The following MTFR1 variants were observed in gnomAD, a reference collection of about 807,000 sequenced individuals.
The protein encoded by MTFR1 is chondrocyte protein with a poly-proline region.
MTFR1 carries 28 observed loss-of-function variants against 38.8 expected under a neutral mutation model. That is an observed-to-expected ratio of 0.72 (90% CI 0.53 to 0.99). MTFR1 has a LOEUF of 0.99. Ranked by LOEUF, MTFR1 falls within the 50% of genes least tolerant of loss-of-function variation. MTFR1 has a pLI of 0.00. For synonymous variants in MTFR1, 145 were observed against 137.0 expected, an observed-to-expected ratio of 1.06 and a Z score of -0.41; for missense variants, 358 against 395.5, an observed-to-expected ratio of 0.91 and a Z score of 0.81.
chr8:65,714,131 TTC>T (rs924521544), downstream of MTFR1, among the ~76,000 whole-genome samples: 1 of 151,538 alleles, frequency 6.6e-6, no homozygotes, highest in African/African-American at 2.4e-5. Context: ...GCACTTATTA[TTC>T]TGTCACCCAG....
At chr8:65,752,150 A>T (rs2128909006) in intron 3 of MTFR1, among the ~76,000 whole-genome samples, 1 of 152,326 alleles carries the variant, frequency 6.6e-6, no homozygotes, top group South Asian at 2.1e-4. Flanking sequence ...GTCACTCTAT[A>T]TGCCATCTTC....
chr8:65,662,716 G>A (rs561532384), intron 1 of MTFR1, among the ~76,000 whole-genome samples: 2 of 133,162 alleles, frequency 1.5e-5, no homozygotes, highest in Non-Finnish European at 3.4e-5. Context: ...CAGCCACACC[G>A]TCTGAGAAGT....
At position 65,707,058 on chromosome 8, in the gene MTFR1, C is replaced by CAA; in HGVS notation, c.566_567insAA (p.Pro190IlefsTer22). Reference sequence around the variant, plus strand: ...GGTACCATACCACCACACCCTCCACCTCCCCCACCGCCCCTGCCTCCCCCT... The same window carrying CAA: ...GGTACCATACCACCACACCCTCCACCAATCCCCCACCGCCCCTGCCTCCCCCT... On this transcript the variant is annotated frameshift_variant, in exon 6 of 8. Coordinates refer to ENST00000262146, the MANE Select transcript of MTFR1 (RefSeq NM_014637.4). LOFTEE classifies it high-confidence loss of function. 1 of 1,607,240 alleles carries CAA rather than the reference C, an allele frequency of 6.2e-7. No homozygotes were observed.
chr8:65,727,115 GAA>G, intron 3 of MTFR1: 6 of 1,181,064 alleles, frequency 5.1e-6, no homozygotes, highest in Non-Finnish European at 7.5e-6. Context: ...TTCAAAATAT[GAA>G]AGATTTTCTA....
At chr8:65,705,053 C>T (rs566243369) in intron 5 of MTFR1, 124 bp downstream of exon 5, 7 of 838,720 alleles carry the variant, frequency 8.3e-6, no homozygotes, top group East Asian at 5.6e-5. Flanking sequence ...CATCCAGGTA[C>T]GGTGGCGCAT....
chr8:65,778,521 C>T, the MTFR1 span, among the ~76,000 whole-genome samples: 4 of 152,122 alleles, frequency 2.6e-5, no homozygotes, highest in Non-Finnish European at 5.9e-5. Context: ...ACAAGCAAGC[C>T]AAACTTGATA....
rs1255626479 is a variant in MTFR1, at chr8:65,693,743, T to A, written c.265T>A (p.Cys89Ser). ...VGWVAKEEGE[C>S]SARLRTEVRS... Reference sequence around the variant, plus strand: ...ATGGGTAGCCAAAGAAGAAGGAGAGTGTTCAGCAAGACTAAGGTTAGTTTG... The same window carrying A: ...ATGGGTAGCCAAAGAAGAAGGAGAGAGTTCAGCAAGACTAAGGTTAGTTTG... The change falls in exon 4 of 8, where the codon TGT becomes AGT. Residue 89 changes from cysteine to serine, a missense_variant. Transcript: ENST00000262146. 6.2e-7 allele frequency: 1 copy of A among 1,613,570 alleles called. No homozygotes were observed. The highest frequency in any genetic ancestry group is 8.5e-7 in the Non-Finnish European group (1 of 1,179,810).
chr8:65,752,108 C>T (rs546386688), intron 3 of MTFR1, among the ~76,000 whole-genome samples: 3 of 152,338 alleles, frequency 2.0e-5, no homozygotes, highest in African/African-American at 7.2e-5. Context: ...CTTGAGATAT[C>T]ATCCTCTAAT....
At chr8:65,720,915 T>TGGCCCTTATTATTATA (rs1806349413) in intron 3 of MTFR1, among the ~76,000 whole-genome samples, 1 of 152,224 alleles carries the variant, frequency 6.6e-6, no homozygotes, top group African/African-American at 2.4e-5. Flanking sequence ...TCTACCCACA[T>TGGCCCTTATTATTATA]GGCCCTTATT....
intron 2 of MTFR1, chr8:65,719,267 G>A (rs749771899): frequency 2.4e-5 from 38 of 1,565,094 alleles, no homozygotes; most frequent in Non-Finnish European, 3.1e-5. Context: ...CCAGGAGGCA[G>A]TTTGTCCCAC....
At chr8:65,669,752 T>C in intron 1 of MTFR1, 121 bp from the exon 2 acceptor site, 2 of 523,284 alleles carry the variant, frequency 3.8e-6, no homozygotes, top group South Asian at 2.7e-5. Flanking sequence ...GGTTTCTCCA[T>C]GTTGGTCAGG....
chr8:65,672,586 T>C (rs1317662330), intron 2 of MTFR1, among the ~76,000 whole-genome samples: 3 of 152,108 alleles, frequency 2.0e-5, no homozygotes, highest in Non-Finnish European at 4.4e-5. Context: ...TCTTGGCTCA[T>C]TGTAACCTCT....
At chr8:65,777,802 C>T in the MTFR1 span, among the ~76,000 whole-genome samples, 1 of 152,332 alleles carries the variant, frequency 6.6e-6, no homozygotes, top group East Asian at 1.9e-4. Context: ...TAATACTCCA[C>T]TACCCCTCAT....
chr8:65,775,477 T>C (rs899878261), downstream of MTFR1, among the ~76,000 whole-genome samples: 4 of 152,360 alleles, frequency 2.6e-5, no homozygotes, highest in African/African-American at 9.6e-5. Context: ...TAGTCTTTAA[T>C]TATCACGTTT....
At position 65,704,551 on chromosome 8, in the gene MTFR1, T is replaced by G. The variant is rs1805719811; in HGVS notation, c.282-143T>G. 1.1e-5 allele frequency: 7 copies of G among 639,920 alleles called. No individual in the cohort carries two copies. The Admixed American group carries it at 1.5e-4, about 13-fold the overall frequency. The allele number at this position is 639,920 out of a possible 1,614,324, so 39.6% of individuals were successfully genotyped here. A position where few individuals can be genotyped will look rare whatever the true frequency, so the allele number is the denominator to read the frequency against. On this transcript the variant is annotated intron_variant, in intron 4 of 7. Coordinates refer to ENST00000262146, the MANE Select transcript of MTFR1 (RefSeq NM_014637.4). ...TAAGGTTGACAAATGCTTTGCTGTT[T>G]TTGTCCTTACACGAAGGGACTTATG...
At chr8:65,713,513 C>G (rs1313419264), downstream of MTFR1, among the ~76,000 whole-genome samples, 1 of 151,608 alleles carries the variant, frequency 6.6e-6, no homozygotes, top group African/African-American at 2.4e-5. Flanking sequence ...ATGTGTTTCT[C>G]TCTTTCCCCC....
At chr8:65,739,610 A>G in intron 3 of MTFR1, 1 of 1,505,858 alleles carries the variant, frequency 6.6e-7, no homozygotes, top group Non-Finnish European at 8.8e-7. Context: ...AAAAAGAAAG[A>G]AGAGACATTA....
intron 2 of MTFR1, among the ~76,000 whole-genome samples, chr8:65,679,166 A>C (rs542110996): frequency 6.6e-6 from 1 of 152,332 alleles, no homozygotes; most frequent in East Asian, 1.9e-4. Context: ...GTCACGTTGT[A>C]ATGCACAAAT....
chr8:65,751,990 ATC>A (rs1260053217), intron 3 of MTFR1, among the ~76,000 whole-genome samples: 1 of 152,124 alleles, frequency 6.6e-6, no homozygotes, highest in African/African-American at 2.4e-5. Flanking sequence ...ATGAATCATA[ATC>A]TATTTAGCCA....
Sources: gnomAD v4.1 joint callset for allele counts (sites outside exome capture counted in the v4.1 genomes callset) on GRCh38, gnomAD v4.1.1 for gene constraint, MANE v1.5 for transcripts, NCBI Gene and HGNC (gene_info 2026-07-23, HGNC 2026-07-21) for gene names.